Variants in CCDC91 observed in about 807,000 individuals in gnomAD.
The protein encoded by CCDC91 is coiled-coil domain containing 91.
In CCDC91, 48 loss-of-function variants were observed where a neutral mutation model predicts 63.2. That is an observed-to-expected ratio of 0.76 (90% CI 0.60 to 0.97). The LOEUF (loss-of-function observed/expected upper bound fraction) is 0.97, where lower values mean the gene tolerates loss of function less well. Ranked by LOEUF, CCDC91 falls within the 50% of genes least tolerant of loss-of-function variation. The pLI, the probability that CCDC91 is intolerant of heterozygous loss-of-function variation, is 0.00. For synonymous variants in CCDC91, 167 were observed against 165.8 expected (o/e 1.01, Z -0.06); for missense variants, 500 against 494.6 (o/e 1.01, Z -0.10).
At chr12:28,382,969 A>G (rs1214737817) in intron 7 of CCDC91, among the ~76,000 whole-genome samples, 1 of 152,108 alleles carries the variant, frequency 6.6e-6, no homozygotes, top group African/African-American at 2.4e-5. Flanking sequence ...CAGCCTTTCA[A>G]AAGGTTAAAG....
At chr12:28,525,013 G>GT (rs1391761833) in intron 12 of CCDC91, among the ~76,000 whole-genome samples, 1 of 152,070 alleles carries the variant, frequency 6.6e-6, no homozygotes, top group Non-Finnish European at 1.5e-5. Context: ...CTTGCTAATG[G>GT]TAATTCAATT....
chr12:28,516,197 G>A (rs1939926778), intron 12 of CCDC91, among the ~76,000 whole-genome samples: 1 of 151,824 alleles, frequency 6.6e-6, no homozygotes, highest in South Asian at 2.1e-4. Context: ...ACCTGAAAAA[G>A]TTAATGATTT....
chr12:28,211,286 C>A (rs1487732884), intron 1 of CCDC91, among the ~76,000 whole-genome samples: 2 of 151,914 alleles, frequency 1.3e-5, no homozygotes, highest in Non-Finnish European at 2.9e-5. Flanking sequence ...GTTTCCTTTC[C>A]CTGAGTGGCC....
intron 3 of CCDC91, among the ~76,000 whole-genome samples, chr12:28,261,272 G>A (rs1946807432): frequency 1.3e-5 from 2 of 152,002 alleles, no homozygotes; most frequent in South Asian, 2.1e-4. Context: ...AAAGGTTAGG[G>A]CTGGAGTTCT....
At chr12:28,388,220 G>A (rs759358859) in intron 7 of CCDC91, among the ~76,000 whole-genome samples, 37 of 151,918 alleles carry the variant, frequency 2.4e-4, no homozygotes, top group Admixed American at 4.6e-4. Flanking sequence ...ACTTTTTGAT[G>A]GGATTGTTTA....
chr12:28,286,547 C>G (rs1379210533), intron 3 of CCDC91, among the ~76,000 whole-genome samples: 1 of 152,128 alleles, frequency 6.6e-6, no homozygotes, highest in Non-Finnish European at 1.5e-5. Context: ...GATCTCATTC[C>G]TTTTTATGGC....
At chr12:28,528,747 G>A (rs549504133) in intron 12 of CCDC91, among the ~76,000 whole-genome samples, 4 of 152,168 alleles carry the variant, frequency 2.6e-5, no homozygotes, top group Admixed American at 1.3e-4. Flanking sequence ...GGGTTTTTAT[G>A]TTTGTTTTTT....
At chr12:28,327,235 A>G (rs753461987) in intron 6 of CCDC91, among the ~76,000 whole-genome samples, 5 of 152,128 alleles carry the variant, frequency 3.3e-5, no homozygotes, top group Non-Finnish European at 7.4e-5. Context: ...CTTTTCTAAC[A>G]AAGGGCAGCC....
At chr12:28,336,399 A>G (rs1201794688) in intron 6 of CCDC91, among the ~76,000 whole-genome samples, 5 of 152,192 alleles carry the variant, frequency 3.3e-5, no homozygotes, top group African/African-American at 1.2e-4. Context: ...AATAGAACAA[A>G]AAAGATTTAT....
At chr12:28,500,029 T>C (rs1952544939) in intron 12 of CCDC91, among the ~76,000 whole-genome samples, 1 of 152,164 alleles carries the variant, frequency 6.6e-6, no homozygotes. Flanking sequence ...TTTTTAATGA[T>C]CGCCATTCTA....
intron 8 of CCDC91, among the ~76,000 whole-genome samples, chr12:28,433,489 T>C (rs1948739716): frequency 6.6e-6 from 1 of 152,000 alleles, no homozygotes; most frequent in Non-Finnish European, 1.5e-5. Context: ...TTCTCCATTT[T>C]ATTCCTTTGC....
chr12:28,532,990 G>A (rs764910933), intron 12 of CCDC91, among the ~76,000 whole-genome samples: 28 of 151,990 alleles, frequency 1.8e-4, no homozygotes, highest in Non-Finnish European at 3.2e-4. Context: ...CAAAACTTAC[G>A]GGTTAGTAGC....
chr12:28,394,205 G>A (rs924039484), intron 8 of CCDC91, among the ~76,000 whole-genome samples: 11 of 152,134 alleles, frequency 7.2e-5, no homozygotes, highest in Non-Finnish European at 1.0e-4. Context: ...AGTGGCTCAC[G>A]CCTGTAATCC....
intron 12 of CCDC91, among the ~76,000 whole-genome samples, chr12:28,535,111 T>G (rs1236229373): frequency 6.6e-6 from 1 of 152,218 alleles, no homozygotes; most frequent in Non-Finnish European, 1.5e-5. Flanking sequence ...ATGATTAGAT[T>G]TGCTGTTTGG....
intron 11 of CCDC91, among the ~76,000 whole-genome samples, chr12:28,476,531 T>A (rs1484890500): frequency 6.6e-6 from 1 of 152,014 alleles, no homozygotes. Flanking sequence ...AGATCTAAAA[T>A]TGACACCCTA....
chr12:28,227,253 C>G (rs1236265697), intron 1 of CCDC91, among the ~76,000 whole-genome samples: 1 of 152,080 alleles, frequency 6.6e-6, no homozygotes, highest in Non-Finnish European at 1.5e-5. Context: ...TATGTGCAGA[C>G]CACACTTGAT....
At chr12:28,500,426 T>G (rs1397839838) in intron 12 of CCDC91, among the ~76,000 whole-genome samples, 1 of 152,168 alleles carries the variant, frequency 6.6e-6, no homozygotes, top group African/African-American at 2.4e-5. Context: ...TCCATGCCTA[T>G]GTCCTGAATG....
intron 1 of CCDC91, among the ~76,000 whole-genome samples, chr12:28,200,898 G>A (rs924643971): frequency 4.7e-5 from 7 of 150,492 alleles, no homozygotes; most frequent in South Asian, 4.2e-4. Context: ...CTGGCCGGGC[G>A]GGGGGCTGAC....
At chr12:28,370,696 C>G (rs1944563654) in intron 7 of CCDC91, among the ~76,000 whole-genome samples, 1 of 152,176 alleles carries the variant, frequency 6.6e-6, no homozygotes, top group Non-Finnish European at 1.5e-5. Flanking sequence ...CTACTTGAGA[C>G]TGGGTAATTT....
Sources: allele counts gnomAD v4.1 joint callset (sites outside exome capture counted in the v4.1 genomes callset), GRCh38; gene constraint gnomAD v4.1.1; transcripts MANE v1.5; gene names NCBI Gene and HGNC (gene_info 2026-07-23, HGNC 2026-07-21).